Variants in CEP112 observed in about 807,000 individuals in gnomAD.
The protein encoded by CEP112 is centrosomal protein of 112 kDa.
Under a neutral mutation model 153.0 loss-of-function variants are expected in CEP112, and 127 were observed. The ratio of observed to expected loss-of-function variants is 0.83; its 90% CI spans 0.72 to 0.96. CEP112 has a LOEUF of 0.96. Among genes scored for constraint, CEP112 ranks in the 40% least tolerant of loss-of-function variants. CEP112 has a pLI of 0.00. For synonymous variants in CEP112, 358 were observed against 374.4 expected, an observed-to-expected ratio of 0.96 and a Z score of 0.51; for missense variants, 1,089 against 1,101.2, an observed-to-expected ratio of 0.99 and a Z score of 0.16.
chr17:66,176,485 GA>G (rs1260990663), intron 3 of CEP112, among the ~76,000 whole-genome samples: 1 of 152,016 alleles, frequency 6.6e-6, no homozygotes, highest in East Asian at 1.9e-4. Context: ...TAATATATAT[GA>G]AAGAGTTTAA....
At position 65,866,238 on chromosome 17, in the gene CEP112, G is replaced by A. The variant is rs143811882; in HGVS notation, c.2164-14204C>T. Among the ~76,000 whole-genome samples the A allele has an allele frequency of 7.2e-5, 11 of 152,312 alleles. No individual in the cohort carries two copies. In the East Asian group the frequency reaches 1.2e-3, roughly 16 times the overall value. On this transcript the variant is annotated intron_variant, in intron 20 of 26. Coordinates refer to ENST00000535342, the MANE Select transcript of CEP112 (RefSeq NM_001199165.4). ...CCAATCCTGGAGCAAGGTTGGGGCC[G>A]AGCCCAGGTGCTGTTGCAGCCTGGC... is the stretch of plus-strand genomic sequence containing the variant.
intron 21 of CEP112, among the ~76,000 whole-genome samples, chr17:65,817,435 T>C (rs2145966340): frequency 6.6e-6 from 1 of 152,026 alleles, no homozygotes; most frequent in African/African-American, 2.4e-5. Context: ...ATAACTTTCT[T>C]CTTTCCTTCT....
chr17:65,853,221 A>G (rs2146323169), intron 20 of CEP112, among the ~76,000 whole-genome samples: 1 of 152,260 alleles, frequency 6.6e-6, no homozygotes, highest in Non-Finnish European at 1.5e-5. Context: ...AAGCTGTTCC[A>G]TGCCTGTCTC....
intron 16 of CEP112, among the ~76,000 whole-genome samples, chr17:66,021,581 G>T (rs35776965): frequency 0.51 from 78,282 of 152,014 alleles, 21,089 homozygotes; most frequent in African/African-American, 0.59. Context: ...TGAGAGGTGG[G>T]TCCCCCTCCT....
chr17:66,014,383 C>A (rs1350212284), intron 16 of CEP112, among the ~76,000 whole-genome samples: 4 of 152,164 alleles, frequency 2.6e-5, no homozygotes, highest in African/African-American at 9.7e-5. Context: ...GAGAGGCCAG[C>A]CGATGGGAGA....
At chr17:65,959,968 C>A (rs892829597) in intron 18 of CEP112, among the ~76,000 whole-genome samples, 1 of 152,156 alleles carries the variant, frequency 6.6e-6, no homozygotes, top group Non-Finnish European at 1.5e-5. Context: ...GTGCCACTAG[C>A]CACAGAGGTT....
intron 5 of CEP112, among the ~76,000 whole-genome samples, chr17:66,130,490 T>C (rs1374528607): frequency 2.0e-5 from 3 of 152,038 alleles, no homozygotes; most frequent in Admixed American, 2.0e-4. Flanking sequence ...AAAAACACAA[T>C]TATGGTTGGG....
chr17:65,803,705 G>A (rs1016695170), intron 21 of CEP112, among the ~76,000 whole-genome samples: 1 of 152,062 alleles, frequency 6.6e-6, no homozygotes, highest in Non-Finnish European at 1.5e-5. Context: ...ATAATTTCTG[G>A]ATCATCCACG....
At chr17:66,096,405 G>T (rs1455341830) in intron 7 of CEP112, 77 bp from the exon 8 acceptor site, 1 of 1,389,692 alleles carries the variant, frequency 7.2e-7, no homozygotes, top group East Asian at 2.3e-5. Flanking sequence ...CTTCTAAATT[G>T]CCTGAGGCCC....
At chr17:65,662,059 C>T (rs1028809748) in intron 24 of CEP112, among the ~76,000 whole-genome samples, 2 of 152,140 alleles carry the variant, frequency 1.3e-5, no homozygotes, top group Non-Finnish European at 2.9e-5. Flanking sequence ...GCCTCAACTT[C>T]ATGGGCTCAG....
chr17:65,781,903 C>A (rs1238109051), intron 21 of CEP112, among the ~76,000 whole-genome samples: 1 of 152,082 alleles, frequency 6.6e-6, no homozygotes, highest in Non-Finnish European at 1.5e-5. Flanking sequence ...TATAAGAATC[C>A]TAGAAGAAAA....
At chr17:65,944,650 A>C (rs1042923785) in intron 18 of CEP112, among the ~76,000 whole-genome samples, 80 of 152,140 alleles carry the variant, frequency 5.3e-4, no homozygotes, top group African/African-American at 1.9e-3. Context: ...AGTGCGGTGG[A>C]GTGACCATGG....
intron 19 of CEP112, among the ~76,000 whole-genome samples, chr17:65,924,495 T>C (rs1260534716): frequency 6.6e-6 from 1 of 152,118 alleles, no homozygotes; most frequent in Non-Finnish European, 1.5e-5. Context: ...ATATATAGAG[T>C]GTACATATTC....
chr17:65,793,694 T>C (rs1470287638), intron 21 of CEP112, among the ~76,000 whole-genome samples: 3 of 152,192 alleles, frequency 2.0e-5, no homozygotes, highest in African/African-American at 7.2e-5. Context: ...GTCCATCATT[T>C]ATGAAAACTG....
At chr17:65,938,710 C>G (rs1017627661) in intron 18 of CEP112, among the ~76,000 whole-genome samples, 1 of 152,188 alleles carries the variant, frequency 6.6e-6, no homozygotes, top group East Asian at 1.9e-4. Flanking sequence ...GGATTCCACA[C>G]ACACACACAA....
At position 66,129,735 on chromosome 17, in the gene CEP112, C is replaced by A; in HGVS notation, c.642+11G>T. 6 of 1,579,934 alleles carry A rather than the reference C, an allele frequency of 3.8e-6. No homozygotes were observed. Among genetic ancestry groups the A allele is most frequent in the Non-Finnish European group, 5.2e-6 (6 of 1,152,648 alleles). On this transcript the variant is annotated intron_variant, in intron 6 of 26. Transcript: ENST00000535342. ...CATCTATATATACATAAAGCAAATA[C>A]TTTTTTTTACCCCAAGATTCCAACT...
At chr17:65,675,699 A>G (rs2047201214) in intron 24 of CEP112, among the ~76,000 whole-genome samples, 1 of 152,054 alleles carries the variant, frequency 6.6e-6, no homozygotes, top group African/African-American at 2.4e-5. Flanking sequence ...AAATATTAGT[A>G]GACCAAAATC....
intron 19 of CEP112, chr17:65,903,369 T>C (rs1484592942): frequency 6.6e-6 from 1 of 152,222 alleles, no homozygotes; most frequent in African/African-American, 2.4e-5. Flanking sequence ...CAGACTACCT[T>C]ATCTTAAAGC....
At chr17:65,720,992 T>C (rs2049839796) in intron 23 of CEP112, among the ~76,000 whole-genome samples, 1 of 111,020 alleles carries the variant, frequency 9.0e-6, no homozygotes, top group Non-Finnish European at 1.7e-5. Context: ...TTTTAAGTTT[T>C]ATCTCTCTCT....
Sources: allele counts gnomAD v4.1 joint callset (sites outside exome capture counted in the v4.1 genomes callset), GRCh38; gene constraint gnomAD v4.1.1; transcripts MANE v1.5; gene names NCBI Gene and HGNC (gene_info 2026-07-23, HGNC 2026-07-21).